The following PDE1A variants were observed in gnomAD, a reference collection of about 807,000 sequenced individuals.
PDE1A encodes dual specificity calcium/calmodulin-dependent 3',5'-cyclic nucleotide phosphodiesterase 1A.
PDE1A carries 35 observed loss-of-function variants against 61.7 expected under a neutral mutation model. The ratio of observed to expected loss-of-function variants is 0.57; its 90% CI spans 0.43 to 0.75. The LOEUF is 0.75. Ranked by LOEUF, PDE1A falls within the 30% of genes least tolerant of loss-of-function variation. The pLI is 0.00. For synonymous variants in PDE1A, 232 were observed against 213.2 expected, an observed-to-expected ratio of 1.09 and a Z score of -0.77; for missense variants, 597 against 630.6, an observed-to-expected ratio of 0.95 and a Z score of 0.57.
the PDE1A span, among the ~76,000 whole-genome samples, chr2:182,630,984 G>A: frequency 7.9e-5 from 12 of 151,614 alleles, no homozygotes; most frequent in East Asian, 9.7e-4. Context: ...GTACATATAC[G>A]TTGTGTGTAT....
At chr2:182,159,822 G>A (rs1559123504) in intron 13 of PDE1A, among the ~76,000 whole-genome samples, 1 of 152,254 alleles carries the variant, frequency 6.6e-6, no homozygotes, top group East Asian at 1.9e-4. Context: ...GCATGGTAGT[G>A]TGTGTCTGTA....
the PDE1A span, among the ~76,000 whole-genome samples, chr2:182,665,970 A>G: frequency 6.6e-6 from 1 of 152,174 alleles, no homozygotes; most frequent in South Asian, 2.1e-4. Flanking sequence ...ACAGGAACAG[A>G]AAAGGAAACA....
the PDE1A span, among the ~76,000 whole-genome samples, chr2:182,689,727 A>C: frequency 2.6e-5 from 4 of 152,244 alleles, no homozygotes; most frequent in African/African-American, 9.6e-5. Flanking sequence ...TCAAAAAATC[A>C]ATGAATCCAG....
rs552992728 is a variant in PDE1A at position 182,499,674 on chromosome 2, C to T, written c.101+22602G>A. 1.3e-4 allele frequency among the ~76,000 whole-genome samples: 20 copies of T among 152,208 alleles called. 1 individual carries two copies. Among genetic ancestry groups the T allele is most frequent in the Middle Eastern group, 3.2e-3 (1 of 316 alleles). On this transcript the variant is annotated intron_variant, in intron 2 of 14. Transcript: ENST00000410103. The stretch of plus-strand genomic sequence containing the variant: ...GAGTTAAAAGGCAATGAACTGGTAT[C>T]TGCAAAATTCTGAGAGAAAGTATCT...
At chr2:182,166,690 T>C (rs1448405991), downstream of PDE1A, among the ~76,000 whole-genome samples, 1 of 152,184 alleles carries the variant, frequency 6.6e-6, no homozygotes, top group Non-Finnish European at 1.5e-5. Context: ...TTCACATGTA[T>C]TTCTTATTGT....
At chr2:182,669,600 A>T in the PDE1A span, among the ~76,000 whole-genome samples, 1 of 152,068 alleles carries the variant, frequency 6.6e-6, no homozygotes, top group Non-Finnish European at 1.5e-5. Flanking sequence ...CATCTTCCTG[A>T]TTAAAGATTT....
chr2:182,613,427 G>A, the PDE1A span, among the ~76,000 whole-genome samples: 1 of 152,004 alleles, frequency 6.6e-6, no homozygotes, highest in Non-Finnish European at 1.5e-5. Context: ...GCCGGGCATG[G>A]TGATGGGCAC....
intron 2 of PDE1A, among the ~76,000 whole-genome samples, chr2:182,255,653 TC>T (rs1263797378): frequency 2.0e-5 from 3 of 146,716 alleles, no homozygotes; most frequent in Non-Finnish European, 4.5e-5. Flanking sequence ...TTTCTTTCTT[TC>T]TTTTCTTTTT....
the PDE1A span, among the ~76,000 whole-genome samples, chr2:182,644,128 TACACACACACAC>T: frequency 3.9e-5 from 5 of 129,436 alleles, no homozygotes; most frequent in African/African-American, 1.4e-4. Context: ...AATCAATGAT[TACACACACACAC>T]ACACACACAC....
the PDE1A span, among the ~76,000 whole-genome samples, chr2:182,650,591 T>C: frequency 6.6e-6 from 1 of 152,202 alleles, no homozygotes; most frequent in Non-Finnish European, 1.5e-5. Flanking sequence ...AAAATTCTGA[T>C]TTCATGTCTA....
At chr2:182,612,141 AATCT>A in the PDE1A span, among the ~76,000 whole-genome samples, 14 of 152,230 alleles carry the variant, frequency 9.2e-5, no homozygotes, top group African/African-American at 3.4e-4. Context: ...TCTACAAATT[AATCT>A]ATCAAAATAA....
the PDE1A span, among the ~76,000 whole-genome samples, chr2:182,715,093 T>C: frequency 1.3e-5 from 2 of 152,176 alleles, no homozygotes; most frequent in East Asian, 3.9e-4. Context: ...CTGTTTGTTT[T>C]TCAATTTACT....
At chr2:182,358,134 T>C (rs1258513707) in intron 1 of PDE1A, among the ~76,000 whole-genome samples, 1 of 152,190 alleles carries the variant, frequency 6.6e-6, no homozygotes, top group Non-Finnish European at 1.5e-5. Context: ...AGTTATCTTT[T>C]TAGGGACGAA....
rs2125611247 is a variant in PDE1A, at chr2:182,426,539, T to C, written c.53+39A>G. The C allele has an allele frequency of 2.9e-6, 4 of 1,365,616 alleles. 1 individual carries two copies. The South Asian group carries it at 4.7e-5, about 16-fold the overall frequency. The allele number at this position is 1,365,616 out of a possible 1,614,324, so 84.6% of individuals were successfully genotyped here. A position where few individuals can be genotyped will look rare whatever the true frequency, so the allele number is the denominator to read the frequency against. On this transcript the variant is annotated intron_variant, in intron 1 of 13. Coordinates refer to ENST00000351439, the Ensembl canonical transcript of PDE1A. ...GGATGAAGGGAGAAACTATTGTTCC[T>C]GACAGCCCTAGAGCCACCTGCGATG...
the PDE1A span, among the ~76,000 whole-genome samples, chr2:182,703,626 C>T: frequency 6.6e-6 from 1 of 152,158 alleles, no homozygotes; most frequent in African/African-American, 2.4e-5. Flanking sequence ...CCTCACATAG[C>T]CTGGGATCTA....
At position 182,186,123 on chromosome 2, in the gene PDE1A, T is replaced by C. The variant is rs1482865586; in HGVS notation, c.1329-44A>G. 1.2e-5 allele frequency: 19 copies of C among 1,587,166 alleles called. No homozygotes were observed. In the East Asian group the frequency reaches 4.3e-4, roughly 36 times the overall value. ...GAAACCAAAAAACACCATCAGGATA[T>C]GGGGTGAACAAGGAAAACCTGAAAA... is the stretch of plus-strand genomic sequence containing the variant. On this transcript the variant is annotated intron_variant, in intron 12 of 13. Coordinates refer to ENST00000351439, the Ensembl canonical transcript of PDE1A.
chr2:182,334,429 G>T (rs183429895), intron 1 of PDE1A, among the ~76,000 whole-genome samples: 1 of 152,266 alleles, frequency 6.6e-6, no homozygotes, highest in African/African-American at 2.4e-5. Flanking sequence ...TATGCAACAC[G>T]ATCAAGTTGG....
chr2:182,299,244 G>T (rs1249056155), intron 1 of PDE1A, among the ~76,000 whole-genome samples: 1 of 151,612 alleles, frequency 6.6e-6, no homozygotes, highest in Non-Finnish European at 1.5e-5. Context: ...GCCCAAGTCT[G>T]TCTCACAGTG....
At chr2:182,672,435 C>T in the PDE1A span, among the ~76,000 whole-genome samples, 1 of 152,146 alleles carries the variant, frequency 6.6e-6, no homozygotes, top group Non-Finnish European at 1.5e-5. Context: ...AACTCAGAAA[C>T]CTTTAGTTAG....
Sources: allele counts gnomAD v4.1 joint callset (sites outside exome capture counted in the v4.1 genomes callset), GRCh38; gene constraint gnomAD v4.1.1; transcripts MANE v1.5; gene names NCBI Gene and HGNC (gene_info 2026-07-23, HGNC 2026-07-21).